Variants in CAMK2D observed in about 807,000 individuals in gnomAD.
CAMK2D encodes the protein calcium/calmodulin dependent protein kinase II delta.
Under a neutral mutation model 84.0 loss-of-function variants are expected in CAMK2D, and 37 were observed. That is an observed-to-expected ratio of 0.44 (90% CI 0.34 to 0.58). The LOEUF (loss-of-function observed/expected upper bound fraction) is 0.58, where lower values mean the gene tolerates loss of function less well. Ranked by LOEUF, CAMK2D falls within the 20% of genes least tolerant of loss-of-function variation. The probability of loss-of-function intolerance (pLI) is 0.02; values close to 1 mark genes in which losing one functional copy is unlikely to be tolerated. For synonymous variants in CAMK2D, 202 were observed against 212.5 expected (o/e 0.95, Z 0.43); for missense variants, 448 against 652.5 (o/e 0.69, Z 3.41).
chr4:113,583,410 T>G (rs1459898997), intron 4 of CAMK2D, among the ~76,000 whole-genome samples: 1 of 152,172 alleles, frequency 6.6e-6, no homozygotes, highest in African/African-American at 2.4e-5. Context: ...AACCAATCAT[T>G]TCCCAGGATA....
chr4:113,457,540 T>C lies in CAMK2D; in HGVS notation c.1330A>G (p.Ile444Val), dbSNP rs752806656. ...ENALSKSNKP[I>V]HTIILNPHVH... Reference sequence around the variant, plus strand: ...TGAGGGTTTAGAATAATAGTGTGGATTGGTTTATTGCTTTTGGACAAAGCT... The same window carrying C: ...TGAGGGTTTAGAATAATAGTGTGGACTGGTTTATTGCTTTTGGACAAAGCT... Residue 444 changes from isoleucine (I) to valine (V), a missense_variant, in exon 19 of 21, where the codon ATC (isoleucine) becomes GTC (valine). By Grantham distance (29) the Ile-to-Val change is conservative (BLOSUM62 3). Around this residue, in one of 7 missense-constraint regions of CAMK2D, gnomAD observed 219 missense variants for 272.1 expected, o/e 0.80. Coordinates refer to ENST00000511664, the MANE Select transcript of CAMK2D (RefSeq NM_001321571.2). The C allele has an allele frequency of 2.5e-6, 4 of 1,613,616 alleles. No individual in the cohort carries two copies. The highest frequency in any genetic ancestry group is 3.4e-6 in the Non-Finnish European group (4 of 1,179,658).
At chr4:113,580,575 T>C (rs77973288) in intron 4 of CAMK2D, among the ~76,000 whole-genome samples, 75 of 152,318 alleles carry the variant, frequency 4.9e-4, no homozygotes, top group Non-Finnish European at 9.8e-4. Context: ...ATACTTCTTG[T>C]TGCATATACT....
chr4:113,633,940 C>T (rs1477995776), intron 3 of CAMK2D, among the ~76,000 whole-genome samples: 1 of 152,208 alleles, frequency 6.6e-6, no homozygotes, highest in Non-Finnish European at 1.5e-5. Flanking sequence ...CTTACAACCA[C>T]ACAATAGTTG....
chr4:113,601,357 AT>A (rs770210556), intron 4 of CAMK2D, among the ~76,000 whole-genome samples: 5 of 152,246 alleles, frequency 3.3e-5, no homozygotes, highest in Admixed American at 6.5e-5. Context: ...TCCTTAAAAA[AT>A]ATAACAAAAT....
rs560627870 is a variant in CAMK2D at position 113,482,603 on chromosome 4, C to T, written c.1136-16999G>A. Reference sequence around the variant, plus strand: ...AAAGAGAAATGTTCTTTGGAGGTGACATTTAAAAATATAACTTAATCTATA... The same window carrying T: ...AAAGAGAAATGTTCTTTGGAGGTGATATTTAAAAATATAACTTAATCTATA... On this transcript the variant is annotated intron_variant, in intron 16 of 20. Coordinates refer to ENST00000511664, the MANE Select transcript of CAMK2D (RefSeq NM_001321571.2). Among the ~76,000 whole-genome samples the T allele has an allele frequency of 5.9e-5, 9 of 152,190 alleles. No individual in the cohort carries two copies. In the South Asian group the frequency reaches 8.3e-4, roughly 14 times the overall value.
chr4:113,602,573 A>T lies in CAMK2D; in HGVS notation c.275+6579T>A, dbSNP rs13124730. Among the ~76,000 whole-genome samples the T allele has an allele frequency of 2.7e-3, 405 of 152,102 alleles. 5 individuals are homozygous for T. The highest frequency in any genetic ancestry group is 2.2e-3 in the Non-Finnish European group (151 of 67,980). On this transcript the variant is annotated intron_variant, in intron 4 of 20. Transcript: ENST00000511664. ...AATCCGCATAAGAAACTTTACTACA[A>T]CCAGCCATTATCTGCCATTAATTAT...
At chr4:113,549,043 T>C (rs1042754860) in intron 5 of CAMK2D, among the ~76,000 whole-genome samples, 9 of 152,056 alleles carry the variant, frequency 5.9e-5, no homozygotes, top group Non-Finnish European at 1.0e-4. Flanking sequence ...GAAAGAAAAA[T>C]TTATAAAGAA....
intron 3 of CAMK2D, among the ~76,000 whole-genome samples, chr4:113,644,466 G>C (rs73843465): frequency 0.056 from 8,592 of 152,200 alleles, 719 homozygotes; most frequent in African/African-American, 0.18. Flanking sequence ...AAAATTCATA[G>C]GTTACCTAGG....
chr4:113,589,937 A>G (rs1235403014), intron 4 of CAMK2D, among the ~76,000 whole-genome samples: 1 of 152,162 alleles, frequency 6.6e-6, no homozygotes, highest in Non-Finnish European at 1.5e-5. Flanking sequence ...AAGAAGATAC[A>G]AAAGGGTGGA....
chr4:113,723,293 C>T (rs2099536633), intron 2 of CAMK2D, among the ~76,000 whole-genome samples: 1 of 150,520 alleles, frequency 6.6e-6, no homozygotes, highest in Non-Finnish European at 1.5e-5. Flanking sequence ...GGCACGATCT[C>T]GGCTCACTAC....
intron 2 of CAMK2D, among the ~76,000 whole-genome samples, chr4:113,697,354 T>C (rs1034107441): frequency 2.0e-5 from 3 of 152,064 alleles, no homozygotes; most frequent in African/African-American, 7.2e-5. Context: ...CCAGCCTAAA[T>C]AGATGCAGTT....
chr4:113,586,351 C>T (rs1229783806), intron 4 of CAMK2D, among the ~76,000 whole-genome samples: 1 of 152,118 alleles, frequency 6.6e-6, no homozygotes, highest in East Asian at 1.9e-4. Context: ...GGACCTGAGA[C>T]CAGCTGAATT....
At chr4:113,695,853 G>A (rs777467628) in intron 2 of CAMK2D, among the ~76,000 whole-genome samples, 9 of 151,916 alleles carry the variant, frequency 5.9e-5, no homozygotes, top group Non-Finnish European at 1.0e-4. Flanking sequence ...GGTCCCCATC[G>A]CTCACAGTGT....
intron 2 of CAMK2D, among the ~76,000 whole-genome samples, chr4:113,731,585 CTT>C (rs577555908): frequency 9.4e-5 from 12 of 127,700 alleles, no homozygotes; most frequent in Admixed American, 2.4e-4. Flanking sequence ...AGGGTTATTG[CTT>C]TTTTTTTTTT....
chr4:113,535,996 T>TAACTC (rs898913906), intron 7 of CAMK2D, among the ~76,000 whole-genome samples: 4 of 152,178 alleles, frequency 2.6e-5, no homozygotes, highest in African/African-American at 9.7e-5. Flanking sequence ...GTTCAACCCT[T>TAACTC]AACTCCTGTT....
chr4:113,642,508 A>T (rs186610808), intron 3 of CAMK2D, among the ~76,000 whole-genome samples: 266 of 152,340 alleles, frequency 1.7e-3, no homozygotes, highest in Non-Finnish European at 3.1e-3. Flanking sequence ...TACAAGTGTC[A>T]TCAGAAGTGG....
intron 16 of CAMK2D, among the ~76,000 whole-genome samples, chr4:113,484,135 C>A (rs1456403016): frequency 6.6e-6 from 1 of 152,172 alleles, no homozygotes; most frequent in Non-Finnish European, 1.5e-5. Flanking sequence ...TATACCCATT[C>A]TATCCAAACT....
chr4:113,490,675 GAAGA>G (rs1189466109), intron 16 of CAMK2D, among the ~76,000 whole-genome samples: 6 of 151,638 alleles, frequency 4.0e-5, no homozygotes, highest in Non-Finnish European at 7.4e-5. Flanking sequence ...CCAATTCTGT[GAAGA>G]AAGGCATTGG....
At chr4:113,725,551 T>C (rs1229733960) in intron 2 of CAMK2D, among the ~76,000 whole-genome samples, 1 of 152,144 alleles carries the variant, frequency 6.6e-6, no homozygotes, top group East Asian at 1.9e-4. Context: ...TTGCCCTAAA[T>C]AGTTCACAAG....
Sources: gnomAD v4.1 joint callset for allele counts (sites outside exome capture counted in the v4.1 genomes callset) on GRCh38, gnomAD v4.1.1 for gene constraint, gnomAD v4.1.1 regional missense constraint, MANE v1.5 for transcripts, NCBI Gene and HGNC (gene_info 2026-07-23, HGNC 2026-07-21) for gene names.